The following ARHGAP26 variants were observed in gnomAD, a reference collection of about 807,000 sequenced individuals.
ARHGAP26 encodes the protein Rho GTPase activating protein 26, also known as rho GTPase-activating protein 26.
Under a neutral mutation model 104.8 loss-of-function variants are expected in ARHGAP26, and 38 were observed. The observed-to-expected ratio is 0.36, with a 90% CI of 0.28 to 0.48. The LOEUF (loss-of-function observed/expected upper bound fraction) is 0.48. Among genes scored for constraint, ARHGAP26 ranks in the 20% least tolerant of loss-of-function variants. ARHGAP26 has a pLI of 0.99. For synonymous variants in ARHGAP26, 341 were observed against 340.0 expected (o/e 1.00, Z -0.03); for missense variants, 704 against 947.9 (o/e 0.74, Z 3.38).
chr5:142,839,686 A>C (rs1770358670), intron 1 of ARHGAP26, among the ~76,000 whole-genome samples: 1 of 152,162 alleles, frequency 6.6e-6, no homozygotes, highest in Non-Finnish European at 1.5e-5. Flanking sequence ...CTTTCCTGAG[A>C]GTGAGAAAGC....
intron 1 of ARHGAP26, among the ~76,000 whole-genome samples, chr5:142,838,459 A>G (rs552414829): frequency 1.1e-4 from 17 of 152,324 alleles, no homozygotes; most frequent in African/African-American, 3.8e-4. Context: ...ATGATATACT[A>G]ATGCAGGTAT....
chr5:142,810,685 G>A (rs1474712975), intron 1 of ARHGAP26, among the ~76,000 whole-genome samples: 1 of 152,108 alleles, frequency 6.6e-6, no homozygotes, highest in Non-Finnish European at 1.5e-5. Context: ...AGTCAATTCT[G>A]TTTTGATTTT....
At chr5:143,022,477 G>C (rs974020619) in intron 12 of ARHGAP26, among the ~76,000 whole-genome samples, 1 of 152,154 alleles carries the variant, frequency 6.6e-6, no homozygotes, top group Non-Finnish European at 1.5e-5. Context: ...ATTCAACTCC[G>C]CTATGGTAGT....
At chr5:143,175,190 G>C (rs1259933945) in intron 20 of ARHGAP26, among the ~76,000 whole-genome samples, 2 of 152,196 alleles carry the variant, frequency 1.3e-5, no homozygotes, top group African/African-American at 4.8e-5. Context: ...CTAAGTGGTG[G>C]TATTATTTTA....
intron 12 of ARHGAP26, among the ~76,000 whole-genome samples, chr5:143,035,393 C>T (rs1188935260): frequency 1.3e-5 from 2 of 152,180 alleles, no homozygotes; most frequent in African/African-American, 2.4e-5. Context: ...TTGCTGCTAC[C>T]TGGATGAGAC....
chr5:143,172,300 T>A (rs1022846630), intron 20 of ARHGAP26, among the ~76,000 whole-genome samples: 35 of 145,774 alleles, frequency 2.4e-4, no homozygotes, highest in African/African-American at 8.5e-4. Flanking sequence ...TGTTACTCTT[T>A]AAAAAAAAAA....
intron 6 of ARHGAP26, 40 bp from the exon 7 acceptor site, chr5:142,901,895 A>T (rs1343158780): frequency 1.9e-6 from 3 of 1,560,014 alleles, no homozygotes; most frequent in African/African-American, 2.7e-5. Context: ...CCTCTTTTCA[A>T]CCTGGTTATG....
Position 143,056,068 on chromosome 5 carries a change from A to G in ARHGAP26, c.1414A>G (p.Ser472Gly). ...ACTCATGATGTACCAGTTTCAAAGA[A>G]GTTTCATCAAAGCAGCAAGTAAGTC... ...GPLMMYQFQR[S>G]FIKAAKLENQ... Residue 472 changes from serine to glycine, a missense_variant, in exon 16 of 23, where the codon AGT (serine) becomes GGT (glycine). By Grantham distance (56) the Ser-to-Gly change is moderately conservative. Transcript: ENST00000645722. 3 of 1,613,382 alleles carry G rather than the reference A, an allele frequency of 1.9e-6. No homozygotes were observed. Among genetic ancestry groups the G allele is most frequent in the Non-Finnish European group, 2.5e-6 (3 of 1,179,612 alleles).
At chr5:143,188,626 A>T (rs1030096374) in intron 20 of ARHGAP26, among the ~76,000 whole-genome samples, 3 of 152,128 alleles carry the variant, frequency 2.0e-5, no homozygotes, top group Admixed American at 6.5e-5. Context: ...GGTTTTGGGG[A>T]TGACATTGTG....
intron 11 of ARHGAP26, among the ~76,000 whole-genome samples, chr5:142,965,199 C>CG (rs1201999590): frequency 6.6e-6 from 1 of 152,142 alleles, no homozygotes; most frequent in African/African-American, 2.4e-5. Flanking sequence ...AACATGAAGG[C>CG]GGACTAGGGG....
At chr5:142,850,367 C>T (rs1751275840) in intron 1 of ARHGAP26, among the ~76,000 whole-genome samples, 1 of 152,194 alleles carries the variant, frequency 6.6e-6, no homozygotes, top group Non-Finnish European at 1.5e-5. Flanking sequence ...ATTCTTATTA[C>T]AGATGCTCTC....
At chr5:142,945,602 A>G (rs1323384156) in intron 11 of ARHGAP26, among the ~76,000 whole-genome samples, 2 of 152,224 alleles carry the variant, frequency 1.3e-5, no homozygotes, top group Non-Finnish European at 2.9e-5. Flanking sequence ...TGGCAAGTCA[A>G]GAATTTATCA....
intron 1 of ARHGAP26, among the ~76,000 whole-genome samples, chr5:142,834,949 T>C (rs1195888038): frequency 6.6e-6 from 1 of 152,176 alleles, no homozygotes; most frequent in African/African-American, 2.4e-5. Flanking sequence ...CCAAGTTTAT[T>C]GTTAATACAG....
chr5:143,149,183 T>C (rs1197883548), intron 20 of ARHGAP26, among the ~76,000 whole-genome samples: 1 of 152,098 alleles, frequency 6.6e-6, no homozygotes, highest in Non-Finnish European at 1.5e-5. Flanking sequence ...GGTACAGATC[T>C]GGGGGGCTTT....
At chr5:143,215,326 C>T (rs1377880050) in intron 22 of ARHGAP26, among the ~76,000 whole-genome samples, 1 of 152,218 alleles carries the variant, frequency 6.6e-6, no homozygotes, top group Non-Finnish European at 1.5e-5. Flanking sequence ...TTTCTAACAA[C>T]CATTCCCTCT....
intron 12 of ARHGAP26, among the ~76,000 whole-genome samples, chr5:143,030,368 A>G (rs1268603922): frequency 2.0e-5 from 3 of 152,230 alleles, no homozygotes; most frequent in Admixed American, 6.5e-5. Flanking sequence ...ATGCAGCTCA[A>G]TGATGATAAT....
chr5:143,011,899 C>G (rs1015912327), intron 11 of ARHGAP26, among the ~76,000 whole-genome samples: 1 of 152,170 alleles, frequency 6.6e-6, no homozygotes. Flanking sequence ...GAGTCCAAAG[C>G]GCTTGCATTG....
At chr5:142,835,353 G>A (rs34104218) in intron 1 of ARHGAP26, among the ~76,000 whole-genome samples, 7,423 of 152,232 alleles carry the variant, frequency 0.049, 255 homozygotes, top group East Asian at 0.11. Flanking sequence ...TAGATACCCC[G>A]TGTAAGAGAG....
chr5:142,840,323 C>A (rs1181918772), intron 1 of ARHGAP26, among the ~76,000 whole-genome samples: 1 of 152,064 alleles, frequency 6.6e-6, no homozygotes, highest in Non-Finnish European at 1.5e-5. Flanking sequence ...TCTGGCAAAG[C>A]CTTACCTCAT....
Sources: gnomAD v4.1 joint callset for allele counts (sites outside exome capture counted in the v4.1 genomes callset) on GRCh38, gnomAD v4.1.1 for gene constraint, MANE v1.5 for transcripts, NCBI Gene and HGNC (gene_info 2026-07-23, HGNC 2026-07-21) for gene names.